SEMA5A: variants seen among roughly 807,000 people sequenced by gnomAD.
SEMA5A encodes the protein semaphorin-5A.
A neutral mutation model predicts 135.5 loss-of-function variants in SEMA5A; 55 were observed. That is an observed-to-expected ratio of 0.41 (90% CI 0.33 to 0.51). The LOEUF (loss-of-function observed/expected upper bound fraction) is 0.51, where lower values mean the gene tolerates loss of function less well. SEMA5A is among the 20% of genes least tolerant of loss of function. SEMA5A has a pLI of 0.37. For synonymous variants in SEMA5A, 580 were observed against 546.5 expected (o/e 1.06, Z -0.85); for missense variants, 1,290 against 1,419.9 (o/e 0.91, Z 1.47).
chr5:9,464,923 C>T (rs767101423), intron 1 of SEMA5A, among the ~76,000 whole-genome samples: 8 of 152,308 alleles, frequency 5.3e-5, no homozygotes, highest in South Asian at 2.1e-4. Flanking sequence ...CTGTCCAGCA[C>T]GATGGTCTGC....
intron 1 of SEMA5A, among the ~76,000 whole-genome samples, chr5:9,500,081 C>G (rs1260971772): frequency 1.3e-5 from 2 of 152,200 alleles, no homozygotes; most frequent in Admixed American, 6.6e-5. Context: ...TACAGCGCAA[C>G]ATATGCAATT....
At chr5:9,120,398 T>G (rs182497485) in intron 14 of SEMA5A, among the ~76,000 whole-genome samples, 2 of 152,060 alleles carry the variant, frequency 1.3e-5, no homozygotes, top group Non-Finnish European at 1.5e-5. Flanking sequence ...GAGAAAATTC[T>G]TAGAATATTT....
chr5:9,502,588 C>CA (rs1735652297), intron 1 of SEMA5A, among the ~76,000 whole-genome samples: 1 of 152,130 alleles, frequency 6.6e-6, no homozygotes, highest in Non-Finnish European at 1.5e-5. Context: ...TGGGCTTCCT[C>CA]AAGTGTCAGC....
rs1756608271 is a variant in SEMA5A, at chr5:9,400,501, A to AGTTT, written c.-77-20479_-77-20478insAAAC. On this transcript the variant is annotated intron_variant, in intron 2 of 22. Transcript: ENST00000382496. Reference sequence around the variant, plus strand: ...CTTCAATAGTTTGAACACAATGTACATTTTTTTTTTTTTTTTTTTTTTTGA... The same window carrying AGTTT: ...CTTCAATAGTTTGAACACAATGTACAGTTTTTTTTTTTTTTTTTTTTTTTTTTGA... Among the ~76,000 whole-genome samples the AGTTT allele has an allele frequency of 1.4e-4, 12 of 87,014 alleles. 1 individual carries two copies. The Admixed American group carries it at 1.4e-3, about 10-fold the overall frequency. 57.1% of individuals were successfully genotyped at this position (87,014 alleles called of 152,430 possible).
chr5:9,305,716 ATATATATATATT>A, intron 5 of SEMA5A, among the ~76,000 whole-genome samples: 1 of 121,214 alleles, frequency 8.2e-6, no homozygotes, highest in East Asian at 2.1e-4. Flanking sequence ...GCGTATATAT[ATATATATATATT>A]TACACGCACA....
At chr5:9,534,284 T>A (rs1363457592) in intron 1 of SEMA5A, among the ~76,000 whole-genome samples, 10 of 152,120 alleles carry the variant, frequency 6.6e-5, no homozygotes, top group Admixed American at 6.6e-4. Flanking sequence ...AGATGCTTAT[T>A]CTCCCCACTT....
intron 16 of SEMA5A, among the ~76,000 whole-genome samples, chr5:9,069,790 T>C (rs1561122611): frequency 6.6e-6 from 1 of 152,222 alleles, no homozygotes; most frequent in Non-Finnish European, 1.5e-5. Flanking sequence ...TCTTTTATTA[T>C]GGCATCTTTT....
intron 8 of SEMA5A, among the ~76,000 whole-genome samples, chr5:9,215,357 A>G (rs1432277174): frequency 6.6e-6 from 1 of 151,926 alleles, no homozygotes; most frequent in Non-Finnish European, 1.5e-5. Flanking sequence ...CCATCCCCCA[A>G]CCAAAAAAAT....
chr5:9,184,520 A>G (rs13436248), intron 11 of SEMA5A, among the ~76,000 whole-genome samples: 17,077 of 152,124 alleles, frequency 0.11, 1,649 homozygotes, highest in African/African-American at 0.24. Context: ...TGGGTCCTTC[A>G]TATTTAAAAC....
rs1473776025 is a variant in SEMA5A, at chr5:9,472,644, C to T, written c.-174-34792G>A. 2.6e-5 allele frequency among the ~76,000 whole-genome samples: 4 copies of T among 152,104 alleles called. No individual in the cohort carries two copies. In the East Asian group the frequency reaches 7.7e-4, roughly 29 times the overall value. On this transcript the variant is annotated intron_variant, in intron 1 of 22. Transcript: ENST00000382496. ...AACTGTATAATAATAATTTTGTTCA[C>T]TTCCAGATAGTCTCCTAATGTTTTC...
At chr5:9,333,166 A>T (rs987344132) in intron 4 of SEMA5A, among the ~76,000 whole-genome samples, 8 of 152,112 alleles carry the variant, frequency 5.3e-5, no homozygotes, top group East Asian at 3.9e-4. Flanking sequence ...ATGTTAAAAA[A>T]TGTTTTCATT....
intron 3 of SEMA5A, among the ~76,000 whole-genome samples, chr5:9,375,018 T>A (rs1037693364): frequency 2.6e-5 from 4 of 152,192 alleles, no homozygotes; most frequent in Non-Finnish European, 4.4e-5. Flanking sequence ...CATTTGAGGA[T>A]GGTTAAGTCA....
intron 2 of SEMA5A, chr5:9,422,410 G>C (rs1343019243): frequency 6.6e-6 from 1 of 152,118 alleles, no homozygotes; most frequent in Non-Finnish European, 1.5e-5. Flanking sequence ...ACTATCTCCA[G>C]CATCCGGAGA....
chr5:9,165,912 T>C (rs1411990758), intron 11 of SEMA5A, among the ~76,000 whole-genome samples: 1 of 152,138 alleles, frequency 6.6e-6, no homozygotes, highest in African/African-American at 2.4e-5. Flanking sequence ...ATGAATTAAA[T>C]TGGTCTTGGC....
At chr5:9,463,596 A>T (rs772128643) in intron 1 of SEMA5A, among the ~76,000 whole-genome samples, 19 of 152,210 alleles carry the variant, frequency 1.2e-4, no homozygotes, top group Non-Finnish European at 2.4e-4. Context: ...CTAAAAATGG[A>T]TACTCTCATT....
chr5:9,166,349 C>G (rs972146334), intron 11 of SEMA5A, among the ~76,000 whole-genome samples: 4 of 152,074 alleles, frequency 2.6e-5, no homozygotes, highest in African/African-American at 9.7e-5. Flanking sequence ...AATCACAGGC[C>G]GTGTGACCGA....
intron 5 of SEMA5A, among the ~76,000 whole-genome samples, chr5:9,308,831 C>T (rs1751993050): frequency 6.6e-6 from 1 of 152,040 alleles, no homozygotes; most frequent in African/African-American, 2.4e-5. Flanking sequence ...ATAATACCCC[C>T]ACTTTAGTGC....
intron 11 of SEMA5A, among the ~76,000 whole-genome samples, chr5:9,165,304 C>A (rs553062429): frequency 1.3e-5 from 2 of 151,756 alleles, no homozygotes; most frequent in South Asian, 4.2e-4. Context: ...AAAGTCCTAC[C>A]CACAAAGAAA....
intron 1 of SEMA5A, among the ~76,000 whole-genome samples, chr5:9,469,770 C>T (rs1459980838): frequency 6.6e-6 from 1 of 152,146 alleles, no homozygotes; most frequent in African/African-American, 2.4e-5. Context: ...AGCTTCAAGG[C>T]AACCTTCAGC....
Sources: allele counts gnomAD v4.1 joint callset (sites outside exome capture counted in the v4.1 genomes callset), GRCh38; gene constraint gnomAD v4.1.1; transcripts MANE v1.5; gene names NCBI Gene and HGNC (gene_info 2026-07-23, HGNC 2026-07-21).